Variants in ELAPOR2 observed in about 807,000 individuals in gnomAD.
The protein encoded by ELAPOR2 is endosome/lysosome-associated apoptosis and autophagy regulator family member 2.
A neutral mutation model predicts 120.7 loss-of-function variants in ELAPOR2; 89 were observed. That is an observed-to-expected ratio of 0.74 (90% CI 0.62 to 0.88). The LOEUF is 0.88. Ranked by LOEUF, ELAPOR2 falls within the 40% of genes least tolerant of loss-of-function variation. The probability of loss-of-function intolerance (pLI) is 0.00; values close to 1 mark genes in which losing one functional copy is unlikely to be tolerated. For synonymous variants in ELAPOR2, 444 were observed against 444.9 expected (o/e 1.00, Z 0.03); for missense variants, 1,134 against 1,251.6 (o/e 0.91, Z 1.42).
chr7:87,035,798 T>C (rs28544963), intron 1 of ELAPOR2, among the ~76,000 whole-genome samples: 1,905 of 152,354 alleles, frequency 0.013, 38 homozygotes, highest in African/African-American at 0.044. Flanking sequence ...CTTGAACATC[T>C]GATTTTCAGA....
chr7:86,943,940 C>T (rs778167889), intron 4 of ELAPOR2, among the ~76,000 whole-genome samples: 21 of 152,142 alleles, frequency 1.4e-4, no homozygotes, highest in Non-Finnish European at 2.9e-4. Context: ...TGCTCAATAA[C>T]AGTGTTAACA....
intron 1 of ELAPOR2, among the ~76,000 whole-genome samples, chr7:86,974,313 T>C (rs1244252809): frequency 6.6e-6 from 1 of 152,132 alleles, no homozygotes; most frequent in Non-Finnish European, 1.5e-5. Context: ...ATATATTATA[T>C]ATACCCCGTG....
intron 1 of ELAPOR2, among the ~76,000 whole-genome samples, chr7:87,001,894 G>A (rs376313870): frequency 3.9e-5 from 6 of 152,130 alleles, no homozygotes; most frequent in African/African-American, 1.4e-4. Context: ...TTAATTCAGT[G>A]GACTAGGGGC....
chr7:86,897,651 C>T lies in ELAPOR2; in HGVS notation c.2559-19G>A. ...GCACTTGCTAAAATCATAAACAAAACCAAAAACACATAAGTGGCAGCTTTT... is the reference window on the plus strand; with the variant it reads ...GCACTTGCTAAAATCATAAACAAAATCAAAAACACATAAGTGGCAGCTTTT... On this transcript the variant is annotated intron_variant, in intron 18 of 21. Coordinates refer to ENST00000450689, the MANE Select transcript of ELAPOR2 (RefSeq NM_001142749.3). The T allele has an allele frequency of 1.9e-6, 3 of 1,611,986 alleles. No homozygotes were observed. The highest frequency in any genetic ancestry group is 2.5e-6 in the Non-Finnish European group (3 of 1,178,940).
intron 2 of ELAPOR2, among the ~76,000 whole-genome samples, chr7:86,957,141 T>G (rs568914200): frequency 6.6e-6 from 1 of 152,222 alleles, no homozygotes; most frequent in Non-Finnish European, 1.5e-5. Flanking sequence ...CATCTCCCAA[T>G]CTGATTCATT....
At chr7:86,946,166 C>T (rs1461598293) in intron 3 of ELAPOR2, among the ~76,000 whole-genome samples, 2 of 151,538 alleles carry the variant, frequency 1.3e-5, no homozygotes, top group African/African-American at 4.8e-5. Flanking sequence ...TTCTCACACA[C>T]ACACACACAC....
At chr7:87,011,291 A>G (rs918411270) in intron 1 of ELAPOR2, among the ~76,000 whole-genome samples, 3 of 151,396 alleles carry the variant, frequency 2.0e-5, no homozygotes, top group Non-Finnish European at 2.9e-5. Context: ...AAAATACACC[A>G]CCACAAAACA....
At chr7:87,029,194 T>G (rs1284573627) in intron 1 of ELAPOR2, among the ~76,000 whole-genome samples, 2 of 152,204 alleles carry the variant, frequency 1.3e-5, no homozygotes, top group Non-Finnish European at 2.9e-5. Flanking sequence ...TTTTGTTCTC[T>G]GATGTGTTCC....
chr7:86,941,500 TAAAC>T, intron 5 of ELAPOR2: 1 of 418,848 alleles, frequency 2.4e-6, no homozygotes, highest in Non-Finnish European at 5.0e-6. Context: ...TATTTTGTGA[TAAAC>T]AGAGCTGTCC....
At chr7:86,954,882 A>T (rs1366173538) in intron 2 of ELAPOR2, among the ~76,000 whole-genome samples, 1 of 152,140 alleles carries the variant, frequency 6.6e-6, no homozygotes, top group Non-Finnish European at 1.5e-5. Flanking sequence ...TATATCGACG[A>T]CACGCTGATG....
intron 8 of ELAPOR2, among the ~76,000 whole-genome samples, 163 bp from the exon 9 acceptor site, chr7:86,927,079 T>C (rs1309482768): frequency 6.6e-6 from 1 of 151,806 alleles, no homozygotes; most frequent in African/African-American, 2.4e-5. Context: ...AGAGAGAACA[T>C]TGGTGGGGAA....
At position 86,879,793 on chromosome 7, in the gene ELAPOR2, C is replaced by G. The variant is rs536857816; in HGVS notation, c.*678G>C. 1.3e-5 allele frequency: 2 copies of G among 152,128 alleles called. No homozygotes were observed. The highest frequency in any genetic ancestry group is 4.1e-4 in the South Asian group (2 of 4,822). 9.4% of individuals were successfully genotyped at this position (152,128 alleles called of 1,614,324 possible). A position where few individuals can be genotyped will look rare whatever the true frequency, so the allele number is the denominator to read the frequency against. Reference sequence around the variant, plus strand: ...TTCTTACTTTTTTGTTTTTTAGATTCCTTCAAACTTTCAGTCAAGCCCTTC... The same window carrying G: ...TTCTTACTTTTTTGTTTTTTAGATTGCTTCAAACTTTCAGTCAAGCCCTTC... On this transcript the variant is annotated 3_prime_UTR_variant, in exon 22 of 22. Transcript: ENST00000450689.
intron 1 of ELAPOR2, among the ~76,000 whole-genome samples, chr7:86,967,129 C>G (rs759143968): frequency 1.6e-4 from 24 of 152,102 alleles, no homozygotes; most frequent in Non-Finnish European, 8.8e-5. Context: ...TGCATAATTG[C>G]TTTCTTGTTT....
At chr7:87,026,915 C>T (rs181517881) in intron 1 of ELAPOR2, among the ~76,000 whole-genome samples, 6 of 152,130 alleles carry the variant, frequency 3.9e-5, no homozygotes, top group African/African-American at 1.4e-4. Context: ...GAACGGGATA[C>T]CCAGAAATTA....
chr7:86,923,536 T>G (rs1789921539), intron 10 of ELAPOR2, among the ~76,000 whole-genome samples: 1 of 152,082 alleles, frequency 6.6e-6, no homozygotes, highest in Non-Finnish European at 1.5e-5. Context: ...TTTCTCCTAT[T>G]TTTCACTCTT....
chr7:87,050,183 T>C (rs577492906), intron 1 of ELAPOR2, among the ~76,000 whole-genome samples: 1 of 152,106 alleles, frequency 6.6e-6, no homozygotes, highest in Non-Finnish European at 1.5e-5. Flanking sequence ...TAATAAGAGG[T>C]GACATTAGAG....
At chr7:86,898,108 A>G (rs970839572) in intron 18 of ELAPOR2, among the ~76,000 whole-genome samples, 4 of 152,186 alleles carry the variant, frequency 2.6e-5, no homozygotes, top group African/African-American at 9.7e-5. Flanking sequence ...TTATCAACAG[A>G]TGAATGCATA....
chr7:86,881,121 T>C (rs1324410383), intron 21 of ELAPOR2, among the ~76,000 whole-genome samples: 1 of 152,132 alleles, frequency 6.6e-6, no homozygotes. Context: ...ATATAAAACA[T>C]TCAAAATGTA....
Position 86,879,179 on chromosome 7 carries a change from C to T in ELAPOR2, c.*1292G>A, listed in dbSNP as rs1344266557. On this transcript the variant is annotated 3_prime_UTR_variant, in exon 22 of 22. Transcript: ENST00000450689. ...CTTAGATCAGCAATGGCCAGGAAAC[C>T]CCCCTCTTTCCCAGTTTTAAATCAA... The T allele has an allele frequency of 6.6e-6, 1 of 151,984 alleles. No homozygotes were observed. The highest frequency in any genetic ancestry group is 2.4e-5 in the African/African-American group (1 of 41,394). The allele number at this position is 151,984 out of a possible 1,614,324, so 9.4% of individuals were successfully genotyped here.
Sources: gnomAD v4.1 joint callset for allele counts (sites outside exome capture counted in the v4.1 genomes callset) on GRCh38, gnomAD v4.1.1 for gene constraint, MANE v1.5 for transcripts, NCBI Gene and HGNC (gene_info 2026-07-23, HGNC 2026-07-21) for gene names.